KIR3DL2: variants seen among roughly 807,000 people sequenced by gnomAD.
KIR3DL2 encodes killer cell immunoglobulin like receptor, three Ig domains and long cytoplasmic tail 2.
A neutral mutation model predicts 41.6 loss-of-function variants in KIR3DL2; 42 were observed. That is an observed-to-expected ratio of 1.01 (90% CI 0.79 to 1.31). The LOEUF is 1.31. KIR3DL2 is among the 50% of genes most tolerant of loss of function. KIR3DL2 has a pLI of 0.00. For missense variants in KIR3DL2, 728 were observed against 576.8 expected (o/e 1.26, Z -2.68); for synonymous variants, 230 against 221.3 (o/e 1.04, Z -0.35).
chr19:54,859,033 G>A (rs923707396), intron 5 of KIR3DL2, 46 bp from the exon 6 acceptor site: 10 of 1,593,072 alleles, frequency 6.3e-6, no homozygotes, highest in Non-Finnish European at 8.6e-6. Flanking sequence ...TTGAGTAGAG[G>A]ACAAGCACCC....
At chr19:54,866,250 A>C (rs2065504945) in intron 7 of KIR3DL2, 120 bp from the exon 8 acceptor site, 5 of 952,828 alleles carry the variant, frequency 5.2e-6, no homozygotes, top group Admixed American at 2.1e-5. Flanking sequence ...CTGAGTCTGG[A>C]TGTTGGCAGC....
intron 6 of KIR3DL2, among the ~76,000 whole-genome samples, chr19:54,864,858 C>T (rs1363503390): frequency 1.3e-5 from 2 of 151,992 alleles, no homozygotes; most frequent in Middle Eastern, 6.8e-3. Flanking sequence ...TTTCCTTCTC[C>T]TGCCTAATTG....
At position 54,866,912 on chromosome 19, in the gene KIR3DL2, C is replaced by A. The variant is rs111855623; in HGVS notation, c.*181C>A. 3.4e-3 allele frequency: 2,374 copies of A among 707,508 alleles called. 87 individuals are homozygous for A. In the African/African-American group the frequency reaches 0.037, roughly 11 times the overall value. 43.8% of individuals were successfully genotyped at this position (707,508 alleles called of 1,614,324 possible). Reference sequence around the variant, plus strand: ...CTGCCTGCTGCAGAGAAAACACACTCCTTTGCTTAGCCCACAAGTATCTAT... The same window carrying A: ...CTGCCTGCTGCAGAGAAAACACACTACTTTGCTTAGCCCACAAGTATCTAT... On this transcript the variant is annotated 3_prime_UTR_variant, in exon 9 of 9. Coordinates refer to ENST00000326321, the MANE Select transcript of KIR3DL2 (RefSeq NM_006737.4).
Position 54,853,761 on chromosome 19 carries a change from C to G in KIR3DL2, c.370C>G (p.Pro124Ala). 1 of 1,610,440 alleles carries G rather than the reference C, an allele frequency of 6.2e-7. No homozygotes were observed. Among genetic ancestry groups the G allele is most frequent in the Non-Finnish European group, 8.5e-7 (1 of 1,177,986 alleles). Residue 124 changes from proline to alanine, a missense_variant, in exon 4 of 9, where the codon CCT becomes GCT. Transcript: ENST00000326321. Reference sequence around the variant, plus strand: ...TCTCTTTCTAGGAAACCACAGAAAACCTTCCCTCCTGGCCCACCCAGGGCC... The same window carrying G: ...TCTCTTTCTAGGAAACCACAGAAAAGCTTCCCTCCTGGCCCACCCAGGGCC... ...VIMVTGNHRK[P>A]SLLAHPGPLL...
Position 54,865,816 on chromosome 19 carries a change from C to T in KIR3DL2, c.1012C>T (p.His338Tyr). The T allele has an allele frequency of 3.7e-6, 6 of 1,610,860 alleles. No individual in the cohort carries two copies. The highest frequency in any genetic ancestry group is 5.1e-6 in the Non-Finnish European group (6 of 1,177,120). ...EPSSKSGICR[H>Y]LHVLIGTSVV... ...CCATCTTCCTCCAGGTATCTGCAGA[C>T]ACCTGCATGTTCTGATTGGGACCTC... is the stretch of plus-strand genomic sequence containing the variant. Residue 338 changes from histidine to tyrosine, a missense_variant, in exon 7 of 9, where the codon CAC becomes TAC. Coordinates refer to ENST00000326321, the MANE Select transcript of KIR3DL2 (RefSeq NM_006737.4).
chr19:54,865,966 G>A lies in KIR3DL2; in HGVS notation c.1105+57G>A, dbSNP rs966095366. The A allele has an allele frequency of 1.3e-5, 18 of 1,431,494 alleles. No homozygotes were observed. The Admixed American group carries it at 2.8e-4, about 23-fold the overall frequency. 88.7% of individuals were successfully genotyped at this position (1,431,494 alleles called of 1,614,324 possible). A position where few individuals can be genotyped will look rare whatever the true frequency, so the allele number is the denominator to read the frequency against. On this transcript the variant is annotated intron_variant, in intron 7 of 8. Transcript: ENST00000326321. ...CAGGGCCATGTGGGGAAGCAGGATG[G>A]GAGCACGCGGGTGTGTGTTCCTCAC...
rs748067982 is a variant in KIR3DL2 at position 54,865,846 on chromosome 19, G to A, written c.1042G>A (p.Val348Ile). The change falls in exon 7 of 9, where the codon GTC (valine) becomes ATC (isoleucine). Residue 348 changes from valine to isoleucine, a missense_variant. Coordinates refer to ENST00000326321, the MANE Select transcript of KIR3DL2 (RefSeq NM_006737.4). ...HLHVLIGTSVVIFLFILLLFF... is the reference protein window; with the variant it reads ...HLHVLIGTSVIIFLFILLLFF... ...GCATGTTCTGATTGGGACCTCAGTGGTCATCTTCCTCTTCATCCTCCTCCT... is the reference window on the plus strand; with the variant it reads ...GCATGTTCTGATTGGGACCTCAGTGATCATCTTCCTCTTCATCCTCCTCCT... 5 of 1,613,854 alleles carry A rather than the reference G, an allele frequency of 3.1e-6. No individual in the cohort carries two copies. In the East Asian group the frequency reaches 8.9e-5, roughly 29 times the overall value.
rs780683096 is a variant in KIR3DL2 at position 54,851,333 on chromosome 19, G to A, written c.70+78G>A. ...TCTGAAACAGGAGGGAAGTCCTGTC[G>A]GGGAGTCTCTCATAAACTAGGAAGA... On this transcript the variant is annotated intron_variant, in intron 2 of 8. Coordinates refer to ENST00000326321, the MANE Select transcript of KIR3DL2 (RefSeq NM_006737.4). The A allele has an allele frequency of 6.8e-5, 102 of 1,491,152 alleles. 3 individuals carry two copies. In the African/African-American group the frequency reaches 7.4e-4, roughly 11 times the overall value. The allele number at this position is 1,491,152 out of a possible 1,614,324, so 92.4% of individuals were successfully genotyped here. A position where few individuals can be genotyped will look rare whatever the true frequency, so the allele number is the denominator to read the frequency against.
rs1279070428 is a variant in KIR3DL2 at position 54,867,015 on chromosome 19, G to C, written c.*284G>C. 1 of 498,688 alleles carries C rather than the reference G, an allele frequency of 2.0e-6. No homozygotes were observed. Among genetic ancestry groups the C allele is most frequent in the Non-Finnish European group, 3.6e-6 (1 of 281,564 alleles). The allele number at this position is 498,688 out of a possible 1,614,324, so 30.9% of individuals were successfully genotyped here. A position where few individuals can be genotyped will look rare whatever the true frequency, so the allele number is the denominator to read the frequency against. The stretch of plus-strand genomic sequence containing the variant: ...TACTTGAGGCTGCAATCACACTGAG[G>C]AACTCACAATTCCAAACATACAAGA... On this transcript the variant is annotated 3_prime_UTR_variant, in exon 9 of 9. Coordinates refer to ENST00000326321, the MANE Select transcript of KIR3DL2 (RefSeq NM_006737.4).
intron 5 of KIR3DL2, among the ~76,000 whole-genome samples, chr19:54,858,432 A>C (rs1348040658): frequency 6.7e-6 from 1 of 148,956 alleles, no homozygotes; most frequent in African/African-American, 2.5e-5. Flanking sequence ...CACCTTTGTC[A>C]AAGTCCATTA....
Position 54,866,885 on chromosome 19 carries a change from C to A in KIR3DL2, c.*154C>A. ...CTTGCTTACAAATGCCTAAGGTCGC[C>A]ACTGCCTGCTGCAGAGAAAACACAC... is the stretch of plus-strand genomic sequence containing the variant. On this transcript the variant is annotated 3_prime_UTR_variant, in exon 9 of 9. Coordinates refer to ENST00000326321, the MANE Select transcript of KIR3DL2 (RefSeq NM_006737.4). 1 of 854,816 alleles carries A rather than the reference C, an allele frequency of 1.2e-6. No homozygotes were observed. The highest frequency in any genetic ancestry group is 1.7e-5 in the South Asian group (1 of 59,960). The allele number at this position is 854,816 out of a possible 1,614,324, so 53.0% of individuals were successfully genotyped here. A position where few individuals can be genotyped will look rare whatever the true frequency, so the allele number is the denominator to read the frequency against.
rs745649091 is a variant in KIR3DL2, at chr19:54,866,353, A to T, written c.1106-17A>T. On this transcript the variant is annotated splice_polypyrimidine_tract_variant and intron_variant, in intron 7 of 8. Transcript: ENST00000326321. Reference sequence around the variant, plus strand: ...AAGGGCCCTCCAAGCGGTTTTGATGACTTCCGTCTCCTACAGATGCTGCTG... The same window carrying T: ...AAGGGCCCTCCAAGCGGTTTTGATGTCTTCCGTCTCCTACAGATGCTGCTG... 6.2e-7 allele frequency: 1 copy of T among 1,613,816 alleles called. No homozygotes were observed. The highest frequency in any genetic ancestry group is 8.5e-7 in the Non-Finnish European group (1 of 1,179,898).
At position 54,850,952 on chromosome 19, in the gene KIR3DL2, G is replaced by GTGGAGATATGGGTCTGATA. The variant is rs2064170980; in HGVS notation, c.35-256_35-255insTCTGATATGGAGATATGGG. Among the ~76,000 whole-genome samples, 2 of 108,702 alleles carry GTGGAGATATGGGTCTGATA rather than the reference G, an allele frequency of 1.8e-5. 1 individual carries two copies. The allele number at this position is 108,702 out of a possible 152,430, so 71.3% of individuals were successfully genotyped here. On this transcript the variant is annotated intron_variant, in intron 1 of 8. Transcript: ENST00000326321. ...TCTGATGTGGAGATATGGGCCTGGAGTGGAGATATGGGCCTGGAGTGGAGA... is the reference window on the plus strand; with the variant it reads ...TCTGATGTGGAGATATGGGCCTGGAGTGGAGATATGGGTCTGATATGGAGATATGGGCCTGGAGTGGAGA...
At position 54,856,181 on chromosome 19, in the gene KIR3DL2, T is replaced by C. The variant is rs1301737278; in HGVS notation, c.949+269T>C. On this transcript the variant is annotated intron_variant, in intron 5 of 8. Coordinates refer to ENST00000326321, the MANE Select transcript of KIR3DL2 (RefSeq NM_006737.4). The stretch of plus-strand genomic sequence containing the variant: ...CCAGAGAAGGGGAGACTGGGCTCAG[T>C]TTGGGGAGATCAGAGGTTCCCTCAG... Among the ~76,000 whole-genome samples the C allele has an allele frequency of 5.3e-5, 8 of 151,534 alleles. 2 individuals are homozygous for C. Among genetic ancestry groups the C allele is most frequent in the African/African-American group, 1.9e-4 (8 of 41,038 alleles).
intron 7 of KIR3DL2, 42 bp from the exon 8 acceptor site, chr19:54,866,328 A>T (rs1240556307): frequency 1.9e-6 from 3 of 1,606,066 alleles, no homozygotes; most frequent in Non-Finnish European, 2.6e-6. Context: ...GAGGACCCAG[A>T]AGGGCCCTCC....
In KIR3DL2 at chr19:54,851,286, T is replaced by C. The variant is rs2145546349; in HGVS notation, c.70+31T>C. The C allele has an allele frequency of 3.8e-6, 6 of 1,598,882 alleles. No individual in the cohort carries two copies. The Middle Eastern group carries it at 5.1e-4, about 136-fold the overall frequency. The stretch of plus-strand genomic sequence containing the variant: ...TCCGTCCCCAAACCTTAGGGTGTCA[T>C]CTCCCCACATAAGAGGATTTTTCTG... On this transcript the variant is annotated intron_variant, in intron 2 of 8. Coordinates refer to ENST00000326321, the MANE Select transcript of KIR3DL2 (RefSeq NM_006737.4).
In KIR3DL2 at chr19:54,855,795, G is replaced by A. The variant is rs1176208000; in HGVS notation, c.832G>A (p.Ala278Thr). ...GCCCAAGGTCAACAGAACATTCCAGGCAGACTTTCCTCTGGGCCCTGCCAC... is the reference window on the plus strand; with the variant it reads ...GCCCAAGGTCAACAGAACATTCCAGACAGACTTTCCTCTGGGCCCTGCCAC... ...AVPKVNRTFQADFPLGPATHG... is the reference protein window; with the variant it reads ...AVPKVNRTFQTDFPLGPATHG... The change falls in exon 5 of 9, where the codon GCA becomes ACA. Residue 278 changes from alanine to threonine, a missense_variant. Ala to Thr is a moderately conservative substitution (Grantham distance 58, BLOSUM62 0). Transcript: ENST00000326321. 3.1e-6 allele frequency: 5 copies of A among 1,613,310 alleles called. No homozygotes were observed. The highest frequency in any genetic ancestry group is 1.7e-5 in the Admixed American group (1 of 59,982).
chr19:54,852,392 G>C, intron 3 of KIR3DL2, 110 bp downstream of exon 3: 1 of 1,439,934 alleles, frequency 6.9e-7, no homozygotes, highest in South Asian at 1.2e-5. Context: ...TGTATTTGGG[G>C]TCAAGGGAGA....
chr19:54,855,061 A>ATGAAGAC (rs1556681190), intron 4 of KIR3DL2, among the ~76,000 whole-genome samples: 1 of 148,160 alleles, frequency 6.7e-6, no homozygotes, highest in African/African-American at 2.5e-5. Flanking sequence ...GATGATGATG[A>ATGAAGAC]AGATAGATAG....
Sources: allele counts gnomAD v4.1 joint callset (sites outside exome capture counted in the v4.1 genomes callset), GRCh38; gene constraint gnomAD v4.1.1; transcripts MANE v1.5; gene names NCBI Gene and HGNC (gene_info 2026-07-23, HGNC 2026-07-21).